The following NUP62CL variants were observed in gnomAD, a reference collection of about 807,000 sequenced individuals.
NUP62CL encodes the protein nucleoporin-62 C-terminal-like protein.
NUP62CL carries 13 observed loss-of-function variants against 15.3 expected under a neutral mutation model. That is an observed-to-expected ratio of 0.85 (90% CI 0.55 to 1.35). The LOEUF is 1.35. Among genes scored for constraint, NUP62CL ranks in the 40% most tolerant of loss-of-function variants. The pLI is 0.00. For synonymous variants in NUP62CL, 54 were observed against 49.2 expected, an observed-to-expected ratio of 1.10 and a Z score of -0.41; for missense variants, 123 against 130.6, an observed-to-expected ratio of 0.94 and a Z score of 0.28.
At chrX:107,148,468 T>G (rs1293158747) in intron 7 of NUP62CL, among the ~76,000 whole-genome samples, 2 of 111,367 alleles carry the variant, frequency 1.8e-5, no homozygotes, top group African/African-American at 3.3e-5. Flanking sequence ...TGATGAAACA[T>G]TATAGTACCA....
chrX:107,185,756 A>G lies in NUP62CL; in HGVS notation c.-48+7273T>C, dbSNP rs759489949. On this transcript the variant is annotated intron_variant, in intron 2 of 8. Coordinates refer to ENST00000372466, the MANE Select transcript of NUP62CL (RefSeq NM_017681.3). ...AATACAATAATTATAGTACATGTAA[A>G]TGGCCTATACATACCAATTAAAAAT... 2.8e-3 allele frequency among the ~76,000 whole-genome samples: 312 copies of G among 111,945 alleles called. 2 individuals are homozygous for G. The highest frequency in any genetic ancestry group is 9.4e-3 in the Middle Eastern group (2 of 212).
intron 8 of NUP62CL, chrX:107,131,575 C>A: frequency 2.4e-6 from 1 of 409,109 alleles, no homozygotes; most frequent in Non-Finnish European, 4.3e-6. Flanking sequence ...GAATGTAGGG[C>A]CGGTACTCAA....
In NUP62CL at chrX:107,160,951, C is replaced by A. The variant is rs1395502307; in HGVS notation, c.194+6698G>T. Among the ~76,000 whole-genome samples the A allele has an allele frequency of 4.1e-3, 452 of 109,767 alleles. 4 individuals are homozygous for A. Among genetic ancestry groups the A allele is most frequent in the African/African-American group, 0.014 (427 of 30,239 alleles). Reference sequence around the variant, plus strand: ...AATTTACAAGAAAAAAACAAACAACCCCATCAAAAAGTGGGCGAGGGACAT... The same window carrying A: ...AATTTACAAGAAAAAAACAAACAACACCATCAAAAAGTGGGCGAGGGACAT... On this transcript the variant is annotated intron_variant, in intron 4 of 8. Transcript: ENST00000372466.
At position 107,189,808 on chromosome X, in the gene NUP62CL, GAGAA is replaced by G. The variant is rs1156286664; in HGVS notation, c.-48+3217_-48+3220del. 3.9e-3 allele frequency among the ~76,000 whole-genome samples: 291 copies of G among 74,069 alleles called. 5 individuals are homozygous for G. The highest frequency in any genetic ancestry group is 0.014 in the African/African-American group (265 of 18,803). The allele number at this position is 74,069 out of a possible 115,157, so 64.3% of individuals were successfully genotyped here. ...TCAATGAAAGAAAGAAAGAGAGAGA[GAGAA>G]AGAAAGAAAGAAGGAGGGAAGGAAG... On this transcript the variant is annotated intron_variant, in intron 2 of 8. Coordinates refer to ENST00000372466, the MANE Select transcript of NUP62CL (RefSeq NM_017681.3).
chrX:107,196,486 C>T (rs1284865492), intron 1 of NUP62CL, among the ~76,000 whole-genome samples: 1 of 112,003 alleles, frequency 8.9e-6, no homozygotes, highest in Admixed American at 9.5e-5. Flanking sequence ...GGCTGCAGTG[C>T]GATGGCACAA....
intron 3 of NUP62CL, among the ~76,000 whole-genome samples, chrX:107,173,536 G>A (rs1165076539): frequency 8.9e-6 from 1 of 111,795 alleles, no homozygotes; most frequent in Non-Finnish European, 1.9e-5. Flanking sequence ...ACCTGTCAAA[G>A]GTCAGAGAGC....
chrX:107,188,117 A>G (rs1414496307), intron 2 of NUP62CL, among the ~76,000 whole-genome samples: 3 of 112,480 alleles, frequency 2.7e-5, no homozygotes, highest in Non-Finnish European at 5.6e-5. Context: ...TTATGAAGCT[A>G]GTATTACTTA....
chrX:107,160,460 C>T (rs959160846), intron 4 of NUP62CL, among the ~76,000 whole-genome samples: 12 of 107,163 alleles, frequency 1.1e-4, no homozygotes, highest in Admixed American at 1.0e-3. Context: ...AGAACAGAGC[C>T]CTCAGAAATA....
chrX:107,167,401 C>G (rs1926543157), intron 4 of NUP62CL, among the ~76,000 whole-genome samples: 1 of 111,825 alleles, frequency 8.9e-6, no homozygotes, highest in African/African-American at 3.2e-5. Context: ...ATTACATACA[C>G]AGTAATTGCA....
chrX:107,147,689 T>C (rs921859494), intron 8 of NUP62CL, 54 bp downstream of exon 8: 1 of 732,932 alleles, frequency 1.4e-6, no homozygotes, highest in Non-Finnish European at 2.2e-6. Flanking sequence ...CTGACATGTA[T>C]CACGTTTTCT....
At chrX:107,192,406 G>A (rs2147816453) in intron 2 of NUP62CL, among the ~76,000 whole-genome samples, 1 of 111,777 alleles carries the variant, frequency 8.9e-6, no homozygotes, top group African/African-American at 3.3e-5. Flanking sequence ...TTGAGACAGC[G>A]TCTCGCTCTG....
chrX:107,156,249 C>G (rs1187912195), intron 4 of NUP62CL, among the ~76,000 whole-genome samples: 2 of 109,478 alleles, frequency 1.8e-5, no homozygotes, highest in Non-Finnish European at 3.8e-5. Context: ...ACAAAGCAGC[C>G]GGGAAGCTCC....
At position 107,179,384 on chromosome X, in the gene NUP62CL, T is replaced by C. The variant is rs182117955; in HGVS notation, c.-47-4191A>G. 1.6e-3 allele frequency among the ~76,000 whole-genome samples: 183 copies of C among 111,470 alleles called. 1 individual carries two copies. The highest frequency in any genetic ancestry group is 2.9e-3 in the Non-Finnish European group (156 of 53,053). ...CCCAAATAGTGAACACAGTACCCAA[T>C]AGGTAATTTTTCAACCTTTACCCCT... On this transcript the variant is annotated intron_variant, in intron 2 of 8. Transcript: ENST00000372466.
intron 2 of NUP62CL, among the ~76,000 whole-genome samples, chrX:107,189,932 A>AGAAAGAAG (rs1569365709): frequency 3.7e-5 from 4 of 108,242 alleles, no homozygotes; most frequent in African/African-American, 1.4e-4. Context: ...AAAGAAAGAA[A>AGAAAGAAG]GAAAGAAAGA....
Position 107,198,542 on chromosome X carries a change from G to A in NUP62CL, c.-91-5470C>T, listed in dbSNP as rs749972202. Among the ~76,000 whole-genome samples, 256 of 111,956 alleles carry A rather than the reference G, an allele frequency of 2.3e-3. 1 individual carries two copies. The highest frequency in any genetic ancestry group is 7.8e-3 in the African/African-American group (240 of 30,845). Reference sequence around the variant, plus strand: ...GAAGGTCTGCAGCTTCACTCCTGAAGCCAGTGAGACCACGAACCCATCGGG... The same window carrying A: ...GAAGGTCTGCAGCTTCACTCCTGAAACCAGTGAGACCACGAACCCATCGGG... On this transcript the variant is annotated intron_variant, in intron 1 of 8. Coordinates refer to ENST00000372466, the MANE Select transcript of NUP62CL (RefSeq NM_017681.3).
chrX:107,185,606 A>G (rs1037322048), intron 2 of NUP62CL, among the ~76,000 whole-genome samples: 2 of 111,595 alleles, frequency 1.8e-5, no homozygotes, highest in South Asian at 7.6e-4. Context: ...ACTCTCAAAA[A>G]CACTATAGAC....
intron 1 of NUP62CL, among the ~76,000 whole-genome samples, chrX:107,197,040 T>G (rs1038923110): frequency 1.8e-5 from 2 of 112,010 alleles, no homozygotes; most frequent in Non-Finnish European, 3.8e-5. Context: ...TCTGACAGTC[T>G]CTTAGTGAGT....
chrX:107,152,153 T>TATATATATATTCAG lies in NUP62CL; in HGVS notation c.530+1018_530+1019insCTGAATATATATAT, dbSNP rs1569357203. Among the ~76,000 whole-genome samples, 19 of 58,212 alleles carry TATATATATATTCAG rather than the reference T, an allele frequency of 3.3e-4. 3 individuals are homozygous for TATATATATATTCAG. The highest frequency in any genetic ancestry group is 1.5e-3 in the African/African-American group (18 of 12,413). 50.6% of individuals were successfully genotyped at this position (58,212 alleles called of 115,157 possible). A position where few individuals can be genotyped will look rare whatever the true frequency, so the allele number is the denominator to read the frequency against. On this transcript the variant is annotated intron_variant, in intron 7 of 8. Coordinates refer to ENST00000372466, the MANE Select transcript of NUP62CL (RefSeq NM_017681.3). ...ATATTCAGATATATATATATTCAGA[T>TATATATATATTCAG]ATATATATATATATTCAGATATATA...
chrX:107,125,060 A>G (rs984336330), intron 8 of NUP62CL, among the ~76,000 whole-genome samples: 4 of 111,561 alleles, frequency 3.6e-5, no homozygotes, highest in African/African-American at 6.5e-5. Flanking sequence ...CAAGTTCACT[A>G]TACGTGAATT....
Sources: allele counts gnomAD v4.1 joint callset (sites outside exome capture counted in the v4.1 genomes callset), GRCh38; gene constraint gnomAD v4.1.1; transcripts MANE v1.5; gene names NCBI Gene and HGNC (gene_info 2026-07-23, HGNC 2026-07-21).